The following TIPIN variants were observed in gnomAD, a reference collection of about 807,000 sequenced individuals.
TIPIN encodes the protein TIMELESS interacting protein.
In TIPIN, 29 loss-of-function variants were observed where a neutral mutation model predicts 35.6. The ratio of observed to expected loss-of-function variants is 0.82; its 90% confidence interval spans 0.61 to 1.11. The LOEUF is 1.11. Ranked by LOEUF, TIPIN falls within the 50% of genes most tolerant of loss-of-function variation. The pLI is 0.00. For synonymous variants in TIPIN, 102 were observed against 121.5 expected (o/e 0.84, Z 1.06); for missense variants, 296 against 345.4 (o/e 0.86, Z 1.13).
intron 6 of TIPIN, among the ~76,000 whole-genome samples, chr15:66,348,006 T>TTC (rs1555407872): frequency 3.2e-5 from 1 of 31,224 alleles, no homozygotes; most frequent in Non-Finnish European, 7.0e-5. Flanking sequence ...TATTCTTTCT[T>TTC]TCTTTTTTTT....
intron 1 of TIPIN, among the ~76,000 whole-genome samples, chr15:66,372,345 G>C (rs1383981887): frequency 1.3e-5 from 2 of 152,172 alleles, no homozygotes; most frequent in African/African-American, 4.8e-5. Context: ...CTTGTGTCTA[G>C]CTTCTACTCA....
chr15:66,353,434 G>A (rs2140466397), intron 1 of TIPIN, among the ~76,000 whole-genome samples: 1 of 152,118 alleles, frequency 6.6e-6, no homozygotes, highest in South Asian at 2.1e-4. Flanking sequence ...TGGCTACACG[G>A]TGAAACCCCG....
intron 7 of TIPIN, among the ~76,000 whole-genome samples, chr15:66,340,110 G>A: frequency 6.7e-6 from 1 of 148,750 alleles, no homozygotes; most frequent in East Asian, 2.0e-4. Flanking sequence ...CTGACCTTGT[G>A]ATCCACCCAC....
chr15:66,340,171 C>T (rs61676919), intron 7 of TIPIN, among the ~76,000 whole-genome samples: 6,379 of 70,182 alleles, frequency 0.091, 885 homozygotes, highest in African/African-American at 0.32. Flanking sequence ...TGCGCCTGGC[C>T]TTTTTTTTTT....
At chr15:66,355,033 T>C (rs1271937595) in intron 1 of TIPIN, among the ~76,000 whole-genome samples, 1 of 146,334 alleles carries the variant, frequency 6.8e-6, no homozygotes, top group Non-Finnish European at 1.5e-5. Context: ...ATATCTTTTT[T>C]TTTTTTTTTT....
rs57624579 is a variant in TIPIN at position 66,356,109 on chromosome 15, G to A, written c.-9+530C>T. On this transcript the variant is annotated intron_variant, in intron 1 of 7. Transcript: ENST00000261881. Reference sequence around the variant, plus strand: ...GTAACAAATGTTATGTCCAAACCACGGTTTGTTCCCAGACCCTGGTTTCCA... The same window carrying A: ...GTAACAAATGTTATGTCCAAACCACAGTTTGTTCCCAGACCCTGGTTTCCA... Among the ~76,000 whole-genome samples, 770 of 152,060 alleles carry A rather than the reference G, an allele frequency of 5.1e-3. 7 individuals carry two copies. The highest frequency in any genetic ancestry group is 0.018 in the African/African-American group (738 of 41,474).
chr15:66,349,795 C>T (rs765228523), intron 4 of TIPIN, among the ~76,000 whole-genome samples: 5 of 152,002 alleles, frequency 3.3e-5, no homozygotes, highest in Non-Finnish European at 7.4e-5. Context: ...TGAAAGGACT[C>T]CCTGAGCCTG....
rs1256410588 is a variant in TIPIN, at chr15:66,367,834, T to G, written c.-8-14879A>C. Among the ~76,000 whole-genome samples the G allele has an allele frequency of 7.1e-5, 10 of 139,866 alleles. 1 individual carries two copies. The allele number at this position is 139,866 out of a possible 152,430, so 91.8% of individuals were successfully genotyped here. Reference sequence around the variant, plus strand: ...TGTCCCTGTTATACATAAATCTTTGTTTTTGTTTTTTTTTTTTTGATTCAA... The same window carrying G: ...TGTCCCTGTTATACATAAATCTTTGGTTTTGTTTTTTTTTTTTTGATTCAA... On this transcript the variant is annotated intron_variant, in intron 1 of 7. Coordinates refer to the TIPIN transcript ENST00000562124.
rs567220265 is a variant in TIPIN at position 66,338,159 on chromosome 15, G to C, written c.683-978C>G. Among the ~76,000 whole-genome samples the C allele has an allele frequency of 7.9e-5, 12 of 151,796 alleles. No individual in the cohort carries two copies. The South Asian group carries it at 2.5e-3, about 32-fold the overall frequency. ...TAATCCCAGCTACTCGGGAGGCTGG[G>C]ACAGGAGAATCGCTTGAACCTAGGA... On this transcript the variant is annotated intron_variant, in intron 7 of 7. Transcript: ENST00000261881.
chr15:66,353,752 G>A (rs1052070682), intron 1 of TIPIN, among the ~76,000 whole-genome samples: 6 of 152,096 alleles, frequency 3.9e-5, no homozygotes, highest in Non-Finnish European at 7.4e-5. Context: ...TCCTCAGGTT[G>A]ATAACTCGAA....
chr15:66,376,649 G>C (rs2093298004), intron 1 of TIPIN, among the ~76,000 whole-genome samples: 1 of 151,328 alleles, frequency 6.6e-6, no homozygotes, highest in Admixed American at 6.6e-5. Context: ...AGGCTGTCTT[G>C]AACTCCTGAC....
chr15:66,377,699 C>G (rs540353023), intron 1 of TIPIN, among the ~76,000 whole-genome samples: 13 of 150,160 alleles, frequency 8.7e-5, no homozygotes, highest in African/African-American at 3.2e-4. Context: ...CTTGGAGTCT[C>G]GCTCTGTTGC....
At chr15:66,352,266 A>C (rs1420334810) in intron 2 of TIPIN, 59 bp from the exon 3 acceptor site, 2 of 1,319,866 alleles carry the variant, frequency 1.5e-6, no homozygotes, top group East Asian at 4.9e-5. Flanking sequence ...ATTATTTATT[A>C]TGTATCATTT....
In TIPIN at chr15:66,371,462, G is replaced by GA. The variant is rs201444978; in HGVS notation, c.-9+15144dup. On this transcript the variant is annotated intron_variant, in intron 1 of 7. Coordinates refer to the TIPIN transcript ENST00000562124. ...TGGGTCAGTCTGCTTTATTTTCTGG[G>GA]AAAAAAAAAGTTTTTCCATGAGTTT... The GA allele has an allele frequency of 2.9e-4, 242 of 834,518 alleles. 1 individual carries two copies. The highest frequency in any genetic ancestry group is 3.7e-4 in the East Asian group (3 of 8,006). The allele number at this position is 834,518 out of a possible 1,614,324, so 51.7% of individuals were successfully genotyped here.
At chr15:66,338,813 C>CAAAAAAAAAAAAA (rs35966273) in intron 7 of TIPIN, among the ~76,000 whole-genome samples, 3 of 35,262 alleles carry the variant, frequency 8.5e-5, no homozygotes, top group Non-Finnish European at 1.0e-4. Flanking sequence ...GACTCCGTCT[C>CAAAAAAAAAAAAA]AAAAAAAAAA....
chr15:66,352,928 T>G lies in TIPIN; in HGVS notation c.20A>C (p.Asn7Thr). 6.2e-7 allele frequency: 1 copy of G among 1,613,732 alleles called. No homozygotes were observed. Among genetic ancestry groups the G allele is most frequent in the South Asian group, 1.1e-5 (1 of 91,046 alleles). The change falls in exon 2 of 8, where the codon AAT (asparagine) becomes ACT (threonine). Residue 7 changes from asparagine to threonine, a missense_variant. Asn to Thr is a moderately conservative substitution (Grantham distance 65). Transcript: ENST00000261881. MLEPQENGVIDLPDYEH... is the reference protein window; with the variant it reads MLEPQETGVIDLPDYEH... ...ATAATCTGGTAGGTCAATCACGCCA[T>G]TCTCCTGTGGTTCTAGCATCTTTTC... is the stretch of plus-strand genomic sequence containing the variant.
chr15:66,384,560 C>T (rs1376900838), intron 1 of TIPIN, among the ~76,000 whole-genome samples: 3 of 152,066 alleles, frequency 2.0e-5, no homozygotes, highest in African/African-American at 7.2e-5. Context: ...TCACAAAGTG[C>T]TGGGATTACA....
intron 4 of TIPIN, among the ~76,000 whole-genome samples, chr15:66,350,713 A>G (rs1239038900): frequency 6.6e-6 from 1 of 151,626 alleles, no homozygotes; most frequent in Admixed American, 6.6e-5. Context: ...GCGGATCACG[A>G]GGTCAGGAGA....
At chr15:66,349,282 G>A (rs1404203548) in intron 5 of TIPIN, 33 bp downstream of exon 5, 1 of 1,609,936 alleles carries the variant, frequency 6.2e-7, no homozygotes. Flanking sequence ...CATTTAGCAT[G>A]TGAATGATAT....
Sources: allele counts gnomAD v4.1 joint callset (sites outside exome capture counted in the v4.1 genomes callset), GRCh38; gene constraint gnomAD v4.1.1; transcripts MANE v1.5; gene names NCBI Gene and HGNC (gene_info 2026-07-23, HGNC 2026-07-21).